The following NEB variants were observed in gnomAD, a reference collection of about 807,000 sequenced individuals.
NEB encodes the protein nemaline myopathy type 2.
Under a neutral mutation model 952.2 loss-of-function variants are expected in NEB, and 512 were observed. That is an observed-to-expected ratio of 0.54 (90% CI 0.50 to 0.58). The LOEUF is 0.58. Among genes scored for constraint, NEB ranks in the 20% least tolerant of loss-of-function variants. The pLI, the probability that NEB is intolerant of heterozygous loss-of-function variation, is 0.00. For missense variants in NEB, 8,428 were observed against 9,231.1 expected, an observed-to-expected ratio of 0.91 and a Z score of 3.56; for synonymous variants, 2,900 against 3,149.8, an observed-to-expected ratio of 0.92 and a Z score of 2.66.
Position 151,618,496 on chromosome 2 carries a change from A to AG in NEB, c.10873-19dup. 1 of 1,603,922 alleles carries AG rather than the reference A, an allele frequency of 6.2e-7. No individual in the cohort carries two copies. The highest frequency in any genetic ancestry group is 2.2e-5 in the East Asian group (1 of 44,750). On this transcript the variant is annotated intron_variant, in intron 73 of 181. Transcript: ENST00000397345. The stretch of plus-strand genomic sequence containing the variant: ...TACAAATTCTGCAGATCAACAGATA[A>AG]GAAACAGATTTATTAATTAGTGTTT...
intron 124 of NEB, among the ~76,000 whole-genome samples, chr2:151,556,919 G>A (rs1414439724): frequency 1.3e-5 from 2 of 152,132 alleles, no homozygotes; most frequent in East Asian, 3.9e-4. Context: ...AAGCAGGAAA[G>A]ATCTAAAACT....
At chr2:151,501,277 A>AT (rs1310965638) in intron 168 of NEB, 114 bp downstream of exon 168, 2 of 689,634 alleles carry the variant, frequency 2.9e-6, no homozygotes, top group East Asian at 5.6e-5. Context: ...AGTTGATGTG[A>AT]TTAAAAAAAG....
intron 124 of NEB, among the ~76,000 whole-genome samples, chr2:151,556,888 G>C (rs563947796): frequency 6.6e-6 from 1 of 152,224 alleles, no homozygotes; most frequent in South Asian, 2.1e-4. Flanking sequence ...GAAATTTATA[G>C]CACTAGATGC....
chr2:151,730,064 A>C (rs577871503), intron 3 of NEB, among the ~76,000 whole-genome samples: 1 of 152,312 alleles, frequency 6.6e-6, no homozygotes, highest in Admixed American at 6.5e-5. Context: ...CTGTTTGCAA[A>C]CTAACAATAA....
rs747850462 is a variant in NEB at position 151,642,760 on chromosome 2, C to T, written c.8265+5G>A. ...TGTATCACGCACTATGAATATATTA[C>T]TTACCTCACTGTAATTTACTTTGTT... On this transcript the variant is annotated splice_donor_5th_base_variant and intron_variant, in intron 59 of 181. Coordinates refer to ENST00000397345, the MANE Select transcript of NEB (RefSeq NM_001164508.2). The T allele has an allele frequency of 1.2e-6, 2 of 1,606,146 alleles. No individual in the cohort carries two copies. The highest frequency in any genetic ancestry group is 1.3e-5 in the African/African-American group (1 of 74,758).
At position 151,668,035 on chromosome 2, in the gene NEB, G is replaced by C. The variant is rs575036921; in HGVS notation, c.4612-124C>G. On this transcript the variant is annotated intron_variant, in intron 39 of 181. Transcript: ENST00000397345. Reference sequence around the variant, plus strand: ...CCTTTCTATTAAGACAATCTATGAAGTTAGGACTATTAGTTTGTCTTTTAT... The same window carrying C: ...CCTTTCTATTAAGACAATCTATGAACTTAGGACTATTAGTTTGTCTTTTAT... 38 of 677,608 alleles carry C rather than the reference G, an allele frequency of 5.6e-5. No homozygotes were observed. The East Asian group carries it at 9.7e-4, about 17-fold the overall frequency. 42.0% of individuals were successfully genotyped at this position (677,608 alleles called of 1,614,324 possible). A position where few individuals can be genotyped will look rare whatever the true frequency, so the allele number is the denominator to read the frequency against.
intron 135 of NEB, among the ~76,000 whole-genome samples, chr2:151,542,079 C>T (rs1444686814): frequency 1.3e-5 from 2 of 152,202 alleles, no homozygotes; most frequent in African/African-American, 4.8e-5. Context: ...CTCATTGAGA[C>T]TACCAAGAAC....
chr2:151,650,894 A>G lies in NEB; in HGVS notation c.6916-9T>C, dbSNP rs2154135540. 1 of 1,598,812 alleles carries G rather than the reference A, an allele frequency of 6.3e-7. No homozygotes were observed. Among genetic ancestry groups the G allele is most frequent in the South Asian group, 1.1e-5 (1 of 88,458 alleles). Reference sequence around the variant, plus strand: ...CCTTGTTTGTATTTATACTGAAATCAGAGAAAACACAGCTCTTTTAGTACA... The same window carrying G: ...CCTTGTTTGTATTTATACTGAAATCGGAGAAAACACAGCTCTTTTAGTACA... On this transcript the variant is annotated splice_polypyrimidine_tract_variant and intron_variant, in intron 52 of 181. Transcript: ENST00000397345.
At chr2:151,660,626 T>C (rs1046491789) in intron 46 of NEB, among the ~76,000 whole-genome samples, 3 of 152,244 alleles carry the variant, frequency 2.0e-5, no homozygotes, top group Admixed American at 6.5e-5. Flanking sequence ...AAACTTTTTC[T>C]GTATAGACAG....
rs1036083346 is a variant in NEB, at chr2:151,498,400, A to ATTTT, written c.24115-52_24115-49dup. On this transcript the variant is annotated intron_variant, in intron 169 of 181. Coordinates refer to ENST00000397345, the MANE Select transcript of NEB (RefSeq NM_001164508.2). The stretch of plus-strand genomic sequence containing the variant: ...GAACAAAAAAAGCAATCAATCAGTC[A>ATTTT]TTTTCCCCCTGCTTTGGAGCAGTTG... 3 of 1,368,734 alleles carry ATTTT rather than the reference A, an allele frequency of 2.2e-6. No homozygotes were observed. In the African/African-American group the frequency reaches 4.4e-5, roughly 20 times the overall value. The allele number at this position is 1,368,734 out of a possible 1,614,324, so 84.8% of individuals were successfully genotyped here.
At position 151,724,750 on chromosome 2, in the gene NEB, A is replaced by G; in HGVS notation, c.507+107T>C. On this transcript the variant is annotated intron_variant, in intron 7 of 181. Transcript: ENST00000397345. ...TACAGGTATTGAACTCACACTGCCC[A>G]TGAGGCTGGTGGGCAGGATCAGGCC... The G allele has an allele frequency of 2.1e-5, 18 of 840,292 alleles. No individual in the cohort carries two copies. In the South Asian group the frequency reaches 3.0e-4, roughly 14 times the overall value. The allele number at this position is 840,292 out of a possible 1,614,324, so 52.1% of individuals were successfully genotyped here.
At chr2:151,716,299 T>C (rs994435832) in intron 10 of NEB, 7 of 284,672 alleles carry the variant, frequency 2.5e-5, no homozygotes, top group Non-Finnish European at 4.1e-5. Context: ...CCACCACGCC[T>C]GGCTAATTTT....
In NEB at chr2:151,642,625, T is replaced by C; in HGVS notation, c.8322A>G (p.Val2774=). ...EAKRKGYDMR[V]DAIPIKAAKA... ...TGGCTGCCTTGATAGGAATGGCATC[T>C]ACCCGCATGTCATAACCTTTCCTCT... Residue 2774 remains valine (V), a synonymous_variant, in exon 60 of 182, where the codon GTA becomes GTG. Coordinates refer to ENST00000397345, the MANE Select transcript of NEB (RefSeq NM_001164508.2). 1 of 1,613,966 alleles carries C rather than the reference T, an allele frequency of 6.2e-7. No individual in the cohort carries two copies. The highest frequency in any genetic ancestry group is 8.5e-7 in the Non-Finnish European group (1 of 1,179,846).
intron 181 of NEB, among the ~76,000 whole-genome samples, chr2:151,488,658 A>G (rs2053349745): frequency 6.6e-6 from 1 of 152,132 alleles, no homozygotes; most frequent in Admixed American, 6.6e-5. Flanking sequence ...AAAATAAAAA[A>G]AAAGTATTCT....
At chr2:151,654,387 A>C (rs2099063880) in intron 51 of NEB, among the ~76,000 whole-genome samples, 1 of 152,224 alleles carries the variant, frequency 6.6e-6, no homozygotes, top group African/African-American at 2.4e-5. Flanking sequence ...CATATCACGT[A>C]TCTTTCTCAC....
chr2:151,727,934 T>C, intron 4 of NEB, 28 bp from the exon 5 acceptor site: 1 of 1,575,120 alleles, frequency 6.3e-7, no homozygotes, highest in Non-Finnish European at 8.7e-7. Flanking sequence ...AGTTCAACAT[T>C]GTTGTGAAAG....
chr2:151,559,880 G>A (rs2153696321), intron 124 of NEB, among the ~76,000 whole-genome samples: 1 of 152,256 alleles, frequency 6.6e-6, no homozygotes, highest in Non-Finnish European at 1.5e-5. Context: ...CATGGCATAT[G>A]TATACCTATG....
At position 151,618,396 on chromosome 2, in the gene NEB, C is replaced by A; in HGVS notation, c.10955G>T (p.Arg3652Ile). 6.2e-7 allele frequency: 1 copy of A among 1,613,960 alleles called. No homozygotes were observed. The change falls in exon 74 of 182, where the codon AGA becomes ATA. Residue 3652 changes from arginine (R) to isoleucine (I), a missense_variant. This residue lies in a region of NEB where 1,772 missense variants were observed against 1,960.3 expected (regional missense o/e 0.90). Coordinates refer to ENST00000397345, the MANE Select transcript of NEB (RefSeq NM_001164508.2). ...IDSLEVVRAK[R>I]AGELLSDTIY... ...AGTATCACTAAGTAATTCTCCAGCTCTCTTGGCCCTAACAACTTCCAAGGA... is the reference window on the plus strand; with the variant it reads ...AGTATCACTAAGTAATTCTCCAGCTATCTTGGCCCTAACAACTTCCAAGGA...
In NEB at chr2:151,489,868, G is replaced by T. The variant is rs1339666196; in HGVS notation, c.25404+103C>A. 14 of 751,820 alleles carry T rather than the reference G, an allele frequency of 1.9e-5. No homozygotes were observed. In the Admixed American group the frequency reaches 3.1e-4, roughly 17 times the overall value. The allele number at this position is 751,820 out of a possible 1,614,324, so 46.6% of individuals were successfully genotyped here. On this transcript the variant is annotated intron_variant, in intron 181 of 181. Coordinates refer to ENST00000397345, the MANE Select transcript of NEB (RefSeq NM_001164508.2). ...TAATAAAAGAGCATTATATAAAATA[G>T]AAGGTTTGGTTAAAAAAAACCGTAA...
Sources: allele counts gnomAD v4.1 joint callset (sites outside exome capture counted in the v4.1 genomes callset), GRCh38; gene constraint gnomAD v4.1.1; regional missense constraint gnomAD v4.1.1; transcripts MANE v1.5; gene names NCBI Gene and HGNC (gene_info 2026-07-23, HGNC 2026-07-21).